ABHD2: variants seen among roughly 807,000 people sequenced by gnomAD.
ABHD2 encodes monoacylglycerol lipase ABHD2.
ABHD2 carries 20 observed loss-of-function variants against 48.1 expected under a neutral mutation model. The ratio of observed to expected loss-of-function variants is 0.42; its 90% confidence interval spans 0.29 to 0.60. The LOEUF (loss-of-function observed/expected upper bound fraction) is 0.60, where lower values mean the gene tolerates loss of function less well. Ranked by LOEUF, ABHD2 falls within the 20% of genes least tolerant of loss-of-function variation. The pLI is 0.24. For missense variants in ABHD2, 405 were observed against 550.9 expected, an observed-to-expected ratio of 0.74 and a Z score of 2.65; for synonymous variants, 209 against 214.2, an observed-to-expected ratio of 0.98 and a Z score of 0.21.
intron 1 of ABHD2, among the ~76,000 whole-genome samples, chr15:89,109,623 T>G (rs764391963): frequency 6.6e-6 from 1 of 151,986 alleles, no homozygotes; most frequent in Non-Finnish European, 1.5e-5. Flanking sequence ...AATAATACAA[T>G]GGAATCAGAG....
intron 3 of ABHD2, among the ~76,000 whole-genome samples, chr15:89,150,505 A>C (rs2050573584): frequency 6.6e-6 from 1 of 152,106 alleles, no homozygotes; most frequent in African/African-American, 2.4e-5. Context: ...TCATGTCCTT[A>C]AGGTCTTAAA....
Position 89,197,126 on chromosome 15 carries a change from GACTGTGACGGGA to G in ABHD2, c.*1704_*1715del, listed in dbSNP as rs1228741105. 6.6e-6 allele frequency: 1 copy of G among 152,616 alleles called. No homozygotes were observed. The highest frequency in any genetic ancestry group is 6.5e-5 in the Admixed American group (1 of 15,276). The allele number at this position is 152,616 out of a possible 1,614,324, so 9.5% of individuals were successfully genotyped here. ...GTGTGGTTTGGGCACGGGTCCAAGT[GACTGTGACGGGA>G]CCCGTGGGCATGGGTCCAGGTCTGT... On this transcript the variant is annotated 3_prime_UTR_variant, in exon 11 of 11. Transcript: ENST00000352732. This position sits in a 1 kb window ranked among gnomAD's most constrained non-coding sequence, Gnocchi z 4.4.
chr15:89,068,456 C>T, the ABHD2 span, among the ~76,000 whole-genome samples: 54 of 152,240 alleles, frequency 3.5e-4, no homozygotes, highest in African/African-American at 1.2e-3. Context: ...TAGAGTCATC[C>T]GGAGGCGTCT....
At chr15:89,131,120 C>G (rs1198102177) in intron 3 of ABHD2, among the ~76,000 whole-genome samples, 1 of 152,196 alleles carries the variant, frequency 6.6e-6, no homozygotes, top group African/African-American at 2.4e-5. Context: ...ACCAAATTAT[C>G]TTCCTAAAGC....
At chr15:89,187,449 A>G (rs1192143948) in intron 7 of ABHD2, among the ~76,000 whole-genome samples, 1 of 152,258 alleles carries the variant, frequency 6.6e-6, no homozygotes, top group Non-Finnish European at 1.5e-5. Context: ...TGAGTCGCAG[A>G]ATACCAAGTT....
the ABHD2 span, among the ~76,000 whole-genome samples, chr15:89,073,123 C>T: frequency 6.6e-6 from 1 of 152,130 alleles, no homozygotes; most frequent in African/African-American, 2.4e-5. Flanking sequence ...GTGAGGAAAG[C>T]ACTTTTTGAG....
intron 5 of ABHD2, among the ~76,000 whole-genome samples, chr15:89,170,077 A>ATTTTTTTTT (rs1555432359): frequency 1.8e-5 from 1 of 56,142 alleles, no homozygotes; most frequent in Non-Finnish European, 3.2e-5. Flanking sequence ...GTCAGATCAG[A>ATTTTTTTTT]TTCTTTTTTT....
the ABHD2 span, among the ~76,000 whole-genome samples, chr15:89,059,151 TC>T: frequency 2.0e-5 from 3 of 152,192 alleles, no homozygotes; most frequent in African/African-American, 7.2e-5. Flanking sequence ...CATCATGCCC[TC>T]TTCCATGTTT....
chr15:89,185,579 C>A lies in ABHD2; in HGVS notation c.815+63C>A. On this transcript the variant is annotated intron_variant, in intron 7 of 10. Coordinates refer to ENST00000352732, the MANE Select transcript of ABHD2 (RefSeq NM_152924.5). The surrounding 1 kb of genome is among the most constrained non-coding windows in gnomAD (Gnocchi z 5.9). ...TTCCTTCCTGAGCTCATCTGGGAAC[C>A]GTGAAAAGCCAGGACTCCTGTTCCT... 2 of 1,477,222 alleles carry A rather than the reference C, an allele frequency of 1.4e-6. No homozygotes were observed. Among genetic ancestry groups the A allele is most frequent in the Non-Finnish European group, 1.9e-6 (2 of 1,061,134 alleles). 91.5% of individuals were successfully genotyped at this position (1,477,222 alleles called of 1,614,324 possible).
At chr15:89,086,926 T>C (rs563544491), upstream of ABHD2, among the ~76,000 whole-genome samples, 13 of 152,100 alleles carry the variant, frequency 8.5e-5, no homozygotes, top group African/African-American at 2.4e-5. Context: ...ATATAAACAC[T>C]GAGATGAAAC....
rs1901478577 is a variant in ABHD2 at position 89,088,953 on chromosome 15, G to A, written c.-107+390G>A. 1.3e-5 allele frequency among the ~76,000 whole-genome samples: 2 copies of A among 152,240 alleles called. No individual in the cohort carries two copies. Among genetic ancestry groups the A allele is most frequent in the African/African-American group, 2.4e-5 (1 of 41,468 alleles). On this transcript the variant is annotated intron_variant, in intron 1 of 10. Transcript: ENST00000352732. The surrounding 1 kb of genome is among the most constrained non-coding windows in gnomAD (Gnocchi z 6.8). Reference sequence around the variant, plus strand: ...CGCACCTGGAAGGAGAGGGCCGAGGGGCCTGATTACAGCCCGAGATACCCG... The same window carrying A: ...CGCACCTGGAAGGAGAGGGCCGAGGAGCCTGATTACAGCCCGAGATACCCG...
At position 89,196,769 on chromosome 15, in the gene ABHD2, A is replaced by G. The variant is rs1362804831; in HGVS notation, c.*1346A>G. 1 of 152,570 alleles carries G rather than the reference A, an allele frequency of 6.6e-6. No individual in the cohort carries two copies. Among genetic ancestry groups the G allele is most frequent in the Non-Finnish European group, 1.5e-5 (1 of 68,034 alleles). 9.5% of individuals were successfully genotyped at this position (152,570 alleles called of 1,614,324 possible). A position where few individuals can be genotyped will look rare whatever the true frequency, so the allele number is the denominator to read the frequency against. ...ATTTTGAAACCAGATTTTTAATTTA[A>G]TAGCCTATATTTGTAGTCTGTTGGA... On this transcript the variant is annotated 3_prime_UTR_variant, in exon 11 of 11. Transcript: ENST00000352732.
At chr15:89,172,052 A>T (rs1295471820) in intron 5 of ABHD2, among the ~76,000 whole-genome samples, 6 of 151,978 alleles carry the variant, frequency 3.9e-5, no homozygotes, top group Non-Finnish European at 8.8e-5. Flanking sequence ...TCCCCAGGTG[A>T]TTCTAATGTG....
Position 89,167,034 on chromosome 15 carries a change from C to T in ABHD2, c.539-8778C>T, listed in dbSNP as rs1416219202. Among the ~76,000 whole-genome samples the T allele has an allele frequency of 6.6e-6, 1 of 152,082 alleles. No individual in the cohort carries two copies. The highest frequency in any genetic ancestry group is 1.5e-5 in the Non-Finnish European group (1 of 68,018). ...ATAACTGCATCAGAACAATACATTC[C>T]AGGACCCTCTTGGAGAGACTAGGAT... On this transcript the variant is annotated intron_variant, in intron 5 of 10. Coordinates refer to ENST00000352732, the MANE Select transcript of ABHD2 (RefSeq NM_152924.5). The surrounding 1 kb of genome is among the most constrained non-coding windows in gnomAD (Gnocchi z 5.5).
chr15:89,053,551 G>A, the ABHD2 span, among the ~76,000 whole-genome samples: 407 of 152,330 alleles, frequency 2.7e-3, 1 homozygote, highest in African/African-American at 9.4e-3. Context: ...CACCCAATCA[G>A]ATAGTGTTTC....
intron 3 of ABHD2, among the ~76,000 whole-genome samples, chr15:89,126,230 C>T (rs752791770): frequency 6.6e-6 from 1 of 152,208 alleles, no homozygotes; most frequent in African/African-American, 2.4e-5. Context: ...CTTGGCTCCA[C>T]GTGTAAGGTC....
At chr15:89,145,954 G>A (rs1237105857) in intron 3 of ABHD2, among the ~76,000 whole-genome samples, 1 of 152,162 alleles carries the variant, frequency 6.6e-6, no homozygotes, top group Non-Finnish European at 1.5e-5. Context: ...GTTGGGTTTT[G>A]TTGCTTTAAG....
intron 1 of ABHD2, among the ~76,000 whole-genome samples, chr15:89,107,657 C>A (rs1172989613): frequency 1.3e-5 from 2 of 152,128 alleles, no homozygotes; most frequent in Non-Finnish European, 2.9e-5. Flanking sequence ...AAGGAACTTG[C>A]CCCAGGACAA....
At position 89,114,574 on chromosome 15, in the gene ABHD2, C is replaced by G. The variant is rs1306102938; in HGVS notation, c.-7+750C>G. Reference sequence around the variant, plus strand: ...CTTGGCTCACTGCAACCTATGCTTTCCGGGTTCAAGTGATCCTCCTGCCTC... The same window carrying G: ...CTTGGCTCACTGCAACCTATGCTTTGCGGGTTCAAGTGATCCTCCTGCCTC... On this transcript the variant is annotated intron_variant, in intron 2 of 10. Transcript: ENST00000352732. This position sits in a 1 kb window ranked among gnomAD's most constrained non-coding sequence, Gnocchi z 4.2. Among the ~76,000 whole-genome samples the G allele has an allele frequency of 1.3e-5, 2 of 152,146 alleles. No individual in the cohort carries two copies. Among genetic ancestry groups the G allele is most frequent in the Non-Finnish European group, 2.9e-5 (2 of 68,034 alleles).
Sources: allele counts gnomAD v4.1 joint callset (sites outside exome capture counted in the v4.1 genomes callset), GRCh38; gene constraint gnomAD v4.1.1; non-coding constraint Gnocchi (gnomAD v3.1); transcripts MANE v1.5; gene names NCBI Gene and HGNC (gene_info 2026-07-23, HGNC 2026-07-21).